Variants in SOCS7 observed in about 807,000 individuals in gnomAD.
SOCS7 encodes the protein suppressor of cytokine signaling 7.
Under a neutral mutation model 58.9 loss-of-function variants are expected in SOCS7, and 18 were observed. The observed-to-expected ratio is 0.31, with a 90% confidence interval of 0.21 to 0.45. The LOEUF (loss-of-function observed/expected upper bound fraction) is 0.45. SOCS7 is among the 20% of genes least tolerant of loss of function. The probability of loss-of-function intolerance (pLI) is 1.00; values close to 1 mark genes in which losing one functional copy is unlikely to be tolerated. For synonymous variants in SOCS7, 388 were observed against 364.3 expected (o/e 1.06, Z -0.74); for missense variants, 667 against 837.3 (o/e 0.80, Z 2.51).
intron 9 of SOCS7, among the ~76,000 whole-genome samples, chr17:38,396,655 C>G (rs2038248863): frequency 6.6e-6 from 1 of 152,202 alleles, no homozygotes; most frequent in Non-Finnish European, 1.5e-5. Context: ...AAACATCTTG[C>G]AATACTGGTT....
intron 1 of SOCS7, among the ~76,000 whole-genome samples, chr17:38,358,939 C>T (rs956978873): frequency 6.6e-6 from 1 of 152,112 alleles, no homozygotes; most frequent in African/African-American, 2.4e-5. Flanking sequence ...AGTGAGAAGG[C>T]CTCCGCAAGA....
At chr17:38,389,857 GTA>G (rs1364266202) in intron 7 of SOCS7, among the ~76,000 whole-genome samples, 17 of 3,170 alleles carry the variant, frequency 5.4e-3, no homozygotes, top group African/African-American at 9.2e-3. Flanking sequence ...TGTTTGGTGT[GTA>G]TGTGTGTACA....
At chr17:38,384,738 A>G (rs1183868124) in intron 7 of SOCS7, among the ~76,000 whole-genome samples, 1 of 151,640 alleles carries the variant, frequency 6.6e-6, no homozygotes, top group Non-Finnish European at 1.5e-5. Context: ...GATTACAGGC[A>G]CACACCACCA....
chr17:38,365,899 C>CA, intron 4 of SOCS7: 1 of 801,130 alleles, frequency 1.2e-6, no homozygotes, highest in East Asian at 9.9e-5. Context: ...ACTTGCCTGG[C>CA]AAAATCATTA....
chr17:38,385,588 A>G (rs2038058976), intron 7 of SOCS7, among the ~76,000 whole-genome samples: 1 of 151,904 alleles, frequency 6.6e-6, no homozygotes, highest in Non-Finnish European at 1.5e-5. Context: ...ACTAATCTCT[A>G]CACCTGTCTT....
At chr17:38,362,710 G>A (rs1567737370) in intron 2 of SOCS7, among the ~76,000 whole-genome samples, 1 of 152,222 alleles carries the variant, frequency 6.6e-6, no homozygotes, top group Non-Finnish European at 1.5e-5. Context: ...GGCATCTACT[G>A]TAGTGGAGAA....
chr17:38,382,824 CT>C (rs1409857849), intron 7 of SOCS7, among the ~76,000 whole-genome samples: 9 of 152,122 alleles, frequency 5.9e-5, no homozygotes, highest in African/African-American at 9.7e-5. Flanking sequence ...GTTACTTCCT[CT>C]TTTGTAACCC....
chr17:38,356,814 T>G (rs2059053773), intron 1 of SOCS7, among the ~76,000 whole-genome samples: 1 of 152,248 alleles, frequency 6.6e-6, no homozygotes, highest in Admixed American at 6.5e-5. Flanking sequence ...TGGTCCTCAG[T>G]GTAATCTAGC....
chr17:38,381,836 C>T (rs2038004078), intron 7 of SOCS7, among the ~76,000 whole-genome samples: 1 of 148,754 alleles, frequency 6.7e-6, no homozygotes, highest in Non-Finnish European at 1.5e-5. Context: ...TGGTGGTGCA[C>T]ATCTGTAGTC....
rs1357563913 is a variant in SOCS7, at chr17:38,400,801, C to T, written c.*1319C>T. On this transcript the variant is annotated 3_prime_UTR_variant, in exon 10 of 10. Transcript: ENST00000612932. ...CTTTCAGGAGGAGCGGGGAGAAAAA[C>T]TCCAATGGTCTTTAATGGTTTCTGC... 6.6e-6 allele frequency: 1 copy of T among 152,214 alleles called. No individual in the cohort carries two copies. The highest frequency in any genetic ancestry group is 1.5e-5 in the Non-Finnish European group (1 of 68,056). 9.4% of individuals were successfully genotyped at this position (152,214 alleles called of 1,614,324 possible). A position where few individuals can be genotyped will look rare whatever the true frequency, so the allele number is the denominator to read the frequency against.
chr17:38,390,602 C>T (rs1241424997), intron 7 of SOCS7, among the ~76,000 whole-genome samples: 1 of 151,556 alleles, frequency 6.6e-6, no homozygotes, highest in African/African-American at 2.4e-5. Context: ...TTTTTAAAAA[C>T]TCTTTGAACA....
At chr17:38,379,164 A>C (rs574499961) in intron 7 of SOCS7, among the ~76,000 whole-genome samples, 9 of 148,954 alleles carry the variant, frequency 6.0e-5, no homozygotes, top group Non-Finnish European at 1.2e-4. Flanking sequence ...TCTCAAAAAA[A>C]AAAAACAAAA....
intron 1 of SOCS7, 92 bp downstream of exon 1, chr17:38,353,124 G>A: frequency 1.6e-6 from 2 of 1,240,684 alleles, no homozygotes; most frequent in South Asian, 1.5e-5. Flanking sequence ...CAGTTCTTAA[G>A]ATAGGGTCTT....
At chr17:38,384,830 A>T (rs2038047102) in intron 7 of SOCS7, among the ~76,000 whole-genome samples, 1 of 148,470 alleles carries the variant, frequency 6.7e-6, no homozygotes, top group Admixed American at 6.7e-5. Flanking sequence ...TGACTTTGTG[A>T]TCCACCCGCC....
At chr17:38,369,549 TGAA>T (rs1413663123) in intron 6 of SOCS7, among the ~76,000 whole-genome samples, 2 of 152,112 alleles carry the variant, frequency 1.3e-5, no homozygotes, top group African/African-American at 2.4e-5. Context: ...CATTTCAGAG[TGAA>T]GTATTTTGTT....
chr17:38,395,842 T>C lies in SOCS7; in HGVS notation c.1818-6T>C. On this transcript the variant is annotated splice_polypyrimidine_tract_variant and splice_region_variant and intron_variant, in intron 8 of 9. Coordinates refer to ENST00000612932, the MANE Select transcript of SOCS7 (RefSeq NM_014598.4). ...TTTGTGTATATCCGTCATTTGTTTT[T>C]CACAGACCTCTGATCTCTTATATCC... The C allele has an allele frequency of 6.2e-7, 1 of 1,608,278 alleles. No homozygotes were observed. Among genetic ancestry groups the C allele is most frequent in the South Asian group, 1.1e-5 (1 of 89,598 alleles).
At chr17:38,393,036 G>A (rs140567670) in intron 7 of SOCS7, among the ~76,000 whole-genome samples, 1 of 152,070 alleles carries the variant, frequency 6.6e-6, no homozygotes, top group East Asian at 1.9e-4. Context: ...TAGAGACAGG[G>A]TCATACTTTG....
chr17:38,405,427 C>G lies in SOCS7; in HGVS notation c.*5945C>G, dbSNP rs1438044549. ...CGTAAAGGGACGTTAGTAGCTGCTG[C>G]AGGTCCTGTTTGGAAACCCCATGTA... On this transcript the variant is annotated 3_prime_UTR_variant, in exon 10 of 10. Coordinates refer to ENST00000612932, the MANE Select transcript of SOCS7 (RefSeq NM_014598.4). 1 of 152,110 alleles carries G rather than the reference C, an allele frequency of 6.6e-6. No individual in the cohort carries two copies. Among genetic ancestry groups the G allele is most frequent in the Admixed American group, 6.5e-5 (1 of 15,268 alleles). 9.4% of individuals were successfully genotyped at this position (152,110 alleles called of 1,614,324 possible). A position where few individuals can be genotyped will look rare whatever the true frequency, so the allele number is the denominator to read the frequency against.
chr17:38,376,440 C>T (rs980081694), intron 6 of SOCS7, among the ~76,000 whole-genome samples: 1 of 151,966 alleles, frequency 6.6e-6, no homozygotes, highest in African/African-American at 2.4e-5. Context: ...TTCTTATCAA[C>T]GTTACAAGGA....
Sources: gnomAD v4.1 joint callset for allele counts (sites outside exome capture counted in the v4.1 genomes callset) on GRCh38, gnomAD v4.1.1 for gene constraint, MANE v1.5 for transcripts, NCBI Gene and HGNC (gene_info 2026-07-23, HGNC 2026-07-21) for gene names.